Variants in TCF4 observed in about 807,000 individuals in gnomAD.
TCF4 encodes the protein SL3-3 enhancer factor 2.
In TCF4, 3 loss-of-function variants were observed where a neutral mutation model predicts 82.1. That is an observed-to-expected ratio of 0.04 (90% confidence interval 0.02 to 0.09). TCF4 has a LOEUF of 0.09. TCF4 is among the 10% of genes least tolerant of loss of function. TCF4 has a pLI of 1.00. For synonymous variants in TCF4, 276 were observed against 309.6 expected (o/e 0.89, Z 1.14); for missense variants, 518 against 852.7 (o/e 0.61, Z 4.89).
intron 5 of TCF4, among the ~76,000 whole-genome samples, chr18:55,425,892 T>G (rs1295298364): frequency 6.6e-6 from 1 of 152,144 alleles, no homozygotes; most frequent in African/African-American, 2.4e-5. Context: ...GCTCAATCGC[T>G]CTGCTCAGTG....
At chr18:55,290,425 T>C (rs2064783589) in intron 8 of TCF4, among the ~76,000 whole-genome samples, 1 of 152,188 alleles carries the variant, frequency 6.6e-6, no homozygotes, top group South Asian at 2.1e-4. Context: ...CTTTGGGAAA[T>C]GCTGTCACAG....
chr18:55,298,460 G>GT lies in TCF4; in HGVS notation c.550-18805dup, dbSNP rs1198505036. ...ACAGGCTCACAACCCATATACTACG[G>GT]TTTTTTTGCTATGAGCCCCCAATAC... On this transcript the variant is annotated intron_variant, in intron 8 of 19. Transcript: ENST00000354452. Among the ~76,000 whole-genome samples, 3 of 152,092 alleles carry GT rather than the reference G, an allele frequency of 2.0e-5. No individual in the cohort carries two copies. In the East Asian group the frequency reaches 5.8e-4, roughly 29 times the overall value.
chr18:55,546,041 T>C (rs1005788527), intron 3 of TCF4, among the ~76,000 whole-genome samples: 3 of 152,030 alleles, frequency 2.0e-5, no homozygotes, highest in Non-Finnish European at 4.4e-5. Flanking sequence ...CATTTGAAAA[T>C]AGAGACGTAA....
At chr18:55,618,256 A>G (rs1010632423) in intron 2 of TCF4, among the ~76,000 whole-genome samples, 1 of 152,190 alleles carries the variant, frequency 6.6e-6, no homozygotes, top group Admixed American at 6.5e-5. Flanking sequence ...AGTGTGATCT[A>G]TCACATTAAT....
chr18:55,553,941 C>G (rs2097281696), intron 3 of TCF4, among the ~76,000 whole-genome samples: 1 of 152,084 alleles, frequency 6.6e-6, no homozygotes, highest in Non-Finnish European at 1.5e-5. Flanking sequence ...AAGCAAGCAT[C>G]TATCCTGGTC....
chr18:55,557,757 C>G (rs1239877442), intron 3 of TCF4, among the ~76,000 whole-genome samples: 1 of 152,128 alleles, frequency 6.6e-6, no homozygotes, highest in East Asian at 1.9e-4. Context: ...CAGGTAACCA[C>G]TTTGGTTTCT....
At chr18:55,480,094 C>A (rs995755712) in intron 3 of TCF4, among the ~76,000 whole-genome samples, 1 of 151,980 alleles carries the variant, frequency 6.6e-6, no homozygotes, top group Non-Finnish European at 1.5e-5. Flanking sequence ...TTAACCATTA[C>A]CTTTTGAATA....
At position 55,548,232 on chromosome 18, in the gene TCF4, C is replaced by A. The variant is rs146249915; in HGVS notation, c.145+37048G>T. On this transcript the variant is annotated intron_variant, in intron 3 of 19. Coordinates refer to ENST00000354452, the MANE Select transcript of TCF4 (RefSeq NM_001083962.2). ...TTTTCTGACAATTCTGAAAGGGAAT[C>A]CCAGGGAGGAATCACACTCCATCTA... Among the ~76,000 whole-genome samples the A allele has an allele frequency of 5.3e-3, 807 of 152,270 alleles. 2 individuals carry two copies. Among genetic ancestry groups the A allele is most frequent in the Admixed American group, 8.2e-3 (125 of 15,298 alleles).
chr18:55,242,811 T>C (rs1196166175), intron 15 of TCF4, among the ~76,000 whole-genome samples: 1 of 152,196 alleles, frequency 6.6e-6, no homozygotes, highest in African/African-American at 2.4e-5. Flanking sequence ...GGTTTCACCA[T>C]GTTGGCTAGG....
In TCF4 at chr18:55,329,250, T is replaced by C. The variant is rs530835279; in HGVS notation, c.549+21109A>G. Among the ~76,000 whole-genome samples, 281 of 152,292 alleles carry C rather than the reference T, an allele frequency of 1.8e-3. 3 individuals are homozygous for C. Among genetic ancestry groups the C allele is most frequent in the Admixed American group, 4.6e-3 (70 of 15,286 alleles). On this transcript the variant is annotated intron_variant, in intron 8 of 19. Coordinates refer to ENST00000354452, the MANE Select transcript of TCF4 (RefSeq NM_001083962.2). The stretch of plus-strand genomic sequence containing the variant: ...CATTGGTCCATTCCTAATCTAAATA[T>C]GGTGTTCTTTAACTCAAAATAAACT...
intron 8 of TCF4, among the ~76,000 whole-genome samples, chr18:55,345,370 A>C (rs989276253): frequency 1.3e-5 from 2 of 151,632 alleles, no homozygotes; most frequent in Non-Finnish European, 2.9e-5. Context: ...ACACACAAAA[A>C]TACTTTCTCT....
chr18:55,334,966 C>T (rs2078329693), intron 8 of TCF4, among the ~76,000 whole-genome samples: 1 of 152,172 alleles, frequency 6.6e-6, no homozygotes, highest in African/African-American at 2.4e-5. Flanking sequence ...TAAATTTAAT[C>T]ATAAAATCAA....
At chr18:55,543,175 CTGGGGTAA>C (rs2097178959) in intron 3 of TCF4, among the ~76,000 whole-genome samples, 1 of 152,038 alleles carries the variant, frequency 6.6e-6, no homozygotes, top group Non-Finnish European at 1.5e-5. Flanking sequence ...CACAACCCTA[CTGGGGTAA>C]TGAAATAAAG....
chr18:55,308,524 C>T (rs912056963), intron 8 of TCF4, among the ~76,000 whole-genome samples: 16 of 152,282 alleles, frequency 1.1e-4, no homozygotes, highest in African/African-American at 3.6e-4. Flanking sequence ...GACATATGCC[C>T]GTATGGTGGA....
At chr18:55,520,666 A>C (rs1300162677) in intron 3 of TCF4, among the ~76,000 whole-genome samples, 1 of 152,220 alleles carries the variant, frequency 6.6e-6, no homozygotes, top group Non-Finnish European at 1.5e-5. Flanking sequence ...TTGAACCGGA[A>C]CACACGGCTT....
At chr18:55,453,876 T>TGG (rs1176735437) in intron 5 of TCF4, among the ~76,000 whole-genome samples, 5 of 151,418 alleles carry the variant, frequency 3.3e-5, no homozygotes, top group Non-Finnish European at 5.9e-5. Context: ...TTATTAGCAA[T>TGG]GGGGTCTCTC....
intron 15 of TCF4, among the ~76,000 whole-genome samples, chr18:55,236,441 G>C (rs73487022): frequency 5.9e-5 from 9 of 151,356 alleles, no homozygotes; most frequent in African/African-American, 1.9e-4. Flanking sequence ...GCTCTGTGGC[G>C]TTAAGTACAA....
At chr18:55,368,638 A>G (rs182296758) in intron 6 of TCF4, among the ~76,000 whole-genome samples, 30 of 152,356 alleles carry the variant, frequency 2.0e-4, no homozygotes, top group Non-Finnish European at 1.5e-5. Context: ...TACAGGAAGT[A>G]TGGAGAACAG....
intron 5 of TCF4, among the ~76,000 whole-genome samples, chr18:55,432,854 A>T (rs2095242017): frequency 6.6e-6 from 1 of 152,182 alleles, no homozygotes; most frequent in Non-Finnish European, 1.5e-5. Context: ...CCAGATGCAC[A>T]TATTTCTATT....
Sources: gnomAD v4.1 joint callset for allele counts (sites outside exome capture counted in the v4.1 genomes callset) on GRCh38, gnomAD v4.1.1 for gene constraint, MANE v1.5 for transcripts, NCBI Gene and HGNC (gene_info 2026-07-23, HGNC 2026-07-21) for gene names.